Variants in ARHGAP5 observed in about 807,000 individuals in gnomAD.
ARHGAP5 encodes rho GTPase-activating protein 5.
In ARHGAP5, 23 loss-of-function variants were observed where a neutral mutation model predicts 116.6. The ratio of observed to expected loss-of-function variants is 0.20; its 90% CI spans 0.14 to 0.28. The LOEUF is 0.28. Among genes scored for constraint, ARHGAP5 ranks in the 10% least tolerant of loss-of-function variants. The pLI is 1.00. For missense variants in ARHGAP5, 1,405 were observed against 1,774.8 expected, an observed-to-expected ratio of 0.79 and a Z score of 3.74; for synonymous variants, 574 against 602.0, an observed-to-expected ratio of 0.95 and a Z score of 0.68.
intron 3 of ARHGAP5, among the ~76,000 whole-genome samples, chr14:32,138,260 A>G (rs1274438046): frequency 6.6e-6 from 1 of 151,930 alleles, no homozygotes; most frequent in African/African-American, 2.4e-5. Context: ...TTTTGTATTA[A>G]CTTCTACTAG....
intron 3 of ARHGAP5, among the ~76,000 whole-genome samples, chr14:32,141,777 C>G (rs1594390734): frequency 6.6e-6 from 1 of 152,146 alleles, no homozygotes; most frequent in African/African-American, 2.4e-5. Flanking sequence ...TTACCAGACA[C>G]AGAATTTTTG....
Position 32,093,863 on chromosome 14 carries a change from G to A in ARHGAP5, c.3194G>A (p.Gly1065Asp), listed in dbSNP as rs1878387273. 1 of 1,613,964 alleles carries A rather than the reference G, an allele frequency of 6.2e-7. No individual in the cohort carries two copies. The highest frequency in any genetic ancestry group is 8.5e-7 in the Non-Finnish European group (1 of 1,179,972). The change falls in exon 2 of 7, where the codon GGT becomes GAT. Residue 1065 changes from glycine (G) to aspartate (D), a missense_variant. Transcript: ENST00000345122. ...AACCTTTTAAAAACAATTGAAGCTGGTATTGGTAAAAATCCAAGAAAGCAG... is the reference window on the plus strand; with the variant it reads ...AACCTTTTAAAAACAATTGAAGCTGATATTGGTAAAAATCCAAGAAAGCAG... ...DPNLLKTIEA[G>D]IGKNPRKQTS...
At chr14:32,125,443 T>A (rs1880102804) in intron 3 of ARHGAP5, among the ~76,000 whole-genome samples, 1 of 152,238 alleles carries the variant, frequency 6.6e-6, no homozygotes, top group African/African-American at 2.4e-5. Context: ...CTGTGAACAT[T>A]CATGTGTACA....
chr14:32,096,907 C>G (rs1216166393), intron 2 of ARHGAP5, among the ~76,000 whole-genome samples: 2 of 152,166 alleles, frequency 1.3e-5, no homozygotes, highest in African/African-American at 2.4e-5. Flanking sequence ...AAATACAGGT[C>G]TACAGACCCT....
intron 1 of ARHGAP5, among the ~76,000 whole-genome samples, chr14:32,086,339 G>A (rs1386351412): frequency 2.0e-5 from 3 of 152,076 alleles, no homozygotes; most frequent in Non-Finnish European, 4.4e-5. Context: ...GTACTCGAGA[G>A]TTTTAAACAA....
chr14:32,137,367 T>G (rs1880859338), intron 3 of ARHGAP5, among the ~76,000 whole-genome samples: 2 of 151,426 alleles, frequency 1.3e-5, no homozygotes, highest in Non-Finnish European at 2.9e-5. Context: ...TTGTTGAAAA[T>G]CAGTTGGCCA....
At chr14:32,142,992 A>G (rs1301726745) in intron 3 of ARHGAP5, among the ~76,000 whole-genome samples, 4 of 152,136 alleles carry the variant, frequency 2.6e-5, no homozygotes, top group East Asian at 3.9e-4. Flanking sequence ...TACCCTTTGT[A>G]ATCTATTTTA....
intron 2 of ARHGAP5, among the ~76,000 whole-genome samples, chr14:32,114,603 T>G (rs1879464022): frequency 1.3e-5 from 2 of 152,302 alleles, no homozygotes; most frequent in African/African-American, 4.8e-5. Context: ...CACCTAGTTG[T>G]GTTTGGTTTA....
intron 3 of ARHGAP5, among the ~76,000 whole-genome samples, chr14:32,118,033 A>T (rs1439640140): frequency 1.3e-5 from 2 of 152,200 alleles, no homozygotes; most frequent in Non-Finnish European, 2.9e-5. Context: ...TGGCTTTGTT[A>T]CTAATGAACC....
intron 2 of ARHGAP5, among the ~76,000 whole-genome samples, chr14:32,101,956 C>G (rs1037080799): frequency 1.3e-5 from 2 of 151,928 alleles, no homozygotes; most frequent in African/African-American, 4.8e-5. Flanking sequence ...GCACTCCAGC[C>G]TGGGCGACAG....
In ARHGAP5 at chr14:32,156,079, TA is replaced by T. The variant is rs1445213940; in HGVS notation, c.*1135del. On this transcript the variant is annotated 3_prime_UTR_variant, in exon 7 of 7. Coordinates refer to ENST00000345122, the MANE Select transcript of ARHGAP5 (RefSeq NM_001030055.2). The stretch of plus-strand genomic sequence containing the variant: ...TATTCTTTTCTGTGATGTGTTGTAC[TA>T]AAATCCAAAATGGCTTTTGCACCAT... The T allele has an allele frequency of 1.3e-5, 2 of 152,536 alleles. No individual in the cohort carries two copies. The highest frequency in any genetic ancestry group is 4.8e-5 in the African/African-American group (2 of 41,464). 9.4% of individuals were successfully genotyped at this position (152,536 alleles called of 1,614,324 possible).
chr14:32,141,755 T>G (rs1326384602), intron 3 of ARHGAP5, among the ~76,000 whole-genome samples: 1 of 152,208 alleles, frequency 6.6e-6, no homozygotes, highest in African/African-American at 2.4e-5. Context: ...CCTTCATTTT[T>G]GAAACATAGT....
intron 3 of ARHGAP5, among the ~76,000 whole-genome samples, chr14:32,127,730 C>T (rs1370602839): frequency 6.6e-6 from 1 of 152,114 alleles, no homozygotes; most frequent in Non-Finnish European, 1.5e-5. Flanking sequence ...AGGGGCTCCT[C>T]ACTTCCCAGA....
chr14:32,120,844 A>G (rs574642027), intron 3 of ARHGAP5, among the ~76,000 whole-genome samples: 1 of 151,994 alleles, frequency 6.6e-6, no homozygotes, highest in Admixed American at 6.6e-5. Context: ...CAAGTCCTGT[A>G]TGTCCTATTT....
chr14:32,120,957 A>G (rs1044596676), intron 3 of ARHGAP5, among the ~76,000 whole-genome samples: 1 of 145,524 alleles, frequency 6.9e-6, no homozygotes, highest in Non-Finnish European at 1.5e-5. Context: ...GTTCTATTAG[A>G]TTTTACATCA....
chr14:32,078,737 C>T (rs1393186671), intron 1 of ARHGAP5, among the ~76,000 whole-genome samples: 1 of 152,122 alleles, frequency 6.6e-6, no homozygotes, highest in Non-Finnish European at 1.5e-5. Flanking sequence ...TACATTTCCA[C>T]TTAAAATGGT....
chr14:32,151,210 A>G (rs985764786), intron 5 of ARHGAP5, among the ~76,000 whole-genome samples: 5 of 152,238 alleles, frequency 3.3e-5, no homozygotes, highest in Non-Finnish European at 7.3e-5. Flanking sequence ...CTACTTAGGA[A>G]ATTTTTGAGG....
Position 32,158,477 on chromosome 14 carries a change from G to A in ARHGAP5, c.*3529G>A, listed in dbSNP as rs919816031. The A allele has an allele frequency of 2.6e-5, 4 of 151,968 alleles. No individual in the cohort carries two copies. Among genetic ancestry groups the A allele is most frequent in the African/African-American group, 9.7e-5 (4 of 41,436 alleles). 9.4% of individuals were successfully genotyped at this position (151,968 alleles called of 1,614,324 possible). The stretch of plus-strand genomic sequence containing the variant: ...AAACTATTCTAGTTATAGCAGAGCT[G>A]CTAATATTAACGAATATATTTGTGT... On this transcript the variant is annotated 3_prime_UTR_variant, in exon 7 of 7. Transcript: ENST00000345122.
At position 32,151,372 on chromosome 14, in the gene ARHGAP5, C is replaced by G. The variant is rs1014285800; in HGVS notation, c.4076-1051C>G. On this transcript the variant is annotated intron_variant, in intron 5 of 6. Coordinates refer to ENST00000345122, the MANE Select transcript of ARHGAP5 (RefSeq NM_001030055.2). ...ATTTCAGGGCCACATTTTAGTTACT[C>G]TGTTTCATAATTGCATAGATTTGGA... is the stretch of plus-strand genomic sequence containing the variant. 2.6e-5 allele frequency among the ~76,000 whole-genome samples: 4 copies of G among 152,198 alleles called. No individual in the cohort carries two copies. The South Asian group carries it at 8.3e-4, about 31-fold the overall frequency.
Sources: allele counts gnomAD v4.1 joint callset (sites outside exome capture counted in the v4.1 genomes callset), GRCh38; gene constraint gnomAD v4.1.1; transcripts MANE v1.5; gene names NCBI Gene and HGNC (gene_info 2026-07-23, HGNC 2026-07-21).